Variants in DOCK3 observed in about 807,000 individuals in gnomAD.
DOCK3 encodes the protein dedicator of cytokinesis protein 3.
A neutral mutation model predicts 265.6 loss-of-function variants in DOCK3; 60 were observed. That is an observed-to-expected ratio of 0.23 (90% CI 0.18 to 0.28). DOCK3 has a LOEUF of 0.28. DOCK3 is among the 10% of genes least tolerant of loss of function. The pLI is 1.00. For missense variants in DOCK3, 1,981 were observed against 2,594.3 expected, an observed-to-expected ratio of 0.76 and a Z score of 5.14; for synonymous variants, 881 against 938.0, an observed-to-expected ratio of 0.94 and a Z score of 1.11.
At chr3:51,221,414 C>T (rs546346335) in intron 14 of DOCK3, among the ~76,000 whole-genome samples, 125 of 152,198 alleles carry the variant, frequency 8.2e-4, no homozygotes, top group African/African-American at 2.9e-3. Context: ...GTACTTCTTG[C>T]CAGTGAAGAA....
rs545306164 is a variant in DOCK3, at chr3:50,817,478, T to G, written c.122-24197T>G. Among the ~76,000 whole-genome samples the G allele has an allele frequency of 7.9e-5, 12 of 151,960 alleles. No individual in the cohort carries two copies. The South Asian group carries it at 1.9e-3, about 24-fold the overall frequency. ...ACTAATTAAATTTTTTTTTTTTTTATAGAGACAGAGGTCCCCCTGTGTTGC... is the reference window on the plus strand; with the variant it reads ...ACTAATTAAATTTTTTTTTTTTTTAGAGAGACAGAGGTCCCCCTGTGTTGC... On this transcript the variant is annotated intron_variant, in intron 2 of 52. Transcript: ENST00000266037.
intron 1 of DOCK3, among the ~76,000 whole-genome samples, chr3:50,713,654 A>ATAT: frequency 6.6e-6 from 1 of 151,342 alleles, no homozygotes; most frequent in East Asian, 1.9e-4. Context: ...ATATATATAT[A>ATAT]TTTTTTGTTT....
chr3:50,705,221 CT>C (rs2036327349), intron 1 of DOCK3, among the ~76,000 whole-genome samples: 1 of 151,794 alleles, frequency 6.6e-6, no homozygotes, highest in South Asian at 2.1e-4. Context: ...TCACCTTTTG[CT>C]TTGAGATGTT....
intron 32 of DOCK3, among the ~76,000 whole-genome samples, chr3:51,316,321 A>G (rs1294152984): frequency 6.6e-6 from 1 of 152,252 alleles, no homozygotes; most frequent in Non-Finnish European, 1.5e-5. Context: ...TGCATGTATC[A>G]GTAGCTTTTC....
intron 7 of DOCK3, among the ~76,000 whole-genome samples, chr3:51,084,909 A>G (rs1310622721): frequency 6.6e-6 from 1 of 152,212 alleles, no homozygotes; most frequent in Non-Finnish European, 1.5e-5. Flanking sequence ...AAAAATCAAG[A>G]CCCAACTATA....
At chr3:50,889,484 T>G (rs1224329779) in intron 3 of DOCK3, among the ~76,000 whole-genome samples, 1 of 151,664 alleles carries the variant, frequency 6.6e-6, no homozygotes, top group Non-Finnish European at 1.5e-5. Flanking sequence ...TTAAATACGC[T>G]ACTTATTCTT....
intron 1 of DOCK3, among the ~76,000 whole-genome samples, chr3:50,774,890 T>A (rs1469699053): frequency 6.6e-6 from 1 of 152,010 alleles, no homozygotes; most frequent in East Asian, 1.9e-4. Context: ...ATTTTTGTCA[T>A]GAGTGGACTT....
intron 13 of DOCK3, among the ~76,000 whole-genome samples, chr3:51,209,215 A>G (rs2089380398): frequency 6.6e-6 from 1 of 152,236 alleles, no homozygotes; most frequent in African/African-American, 2.4e-5. Context: ...CTATCTCTAT[A>G]TAGCTAGATA....
intron 3 of DOCK3, among the ~76,000 whole-genome samples, chr3:50,854,947 T>C (rs2046518612): frequency 6.6e-6 from 1 of 152,118 alleles, no homozygotes; most frequent in African/African-American, 2.4e-5. Context: ...ATTGTAGGTA[T>C]GTGGCTTTAT....
chr3:50,679,940 T>C (rs1034407470), intron 1 of DOCK3, among the ~76,000 whole-genome samples: 2 of 152,204 alleles, frequency 1.3e-5, no homozygotes, highest in Admixed American at 1.3e-4. Flanking sequence ...CTCCCCTCTT[T>C]TTTAAACAGA....
chr3:51,025,926 T>A (rs2079795494), intron 5 of DOCK3, among the ~76,000 whole-genome samples: 1 of 152,182 alleles, frequency 6.6e-6, no homozygotes, highest in Non-Finnish European at 1.5e-5. Context: ...GACTCTCCCC[T>A]TCTCACACTC....
At chr3:51,136,563 T>C (rs1296961702) in intron 9 of DOCK3, among the ~76,000 whole-genome samples, 3 of 152,128 alleles carry the variant, frequency 2.0e-5, no homozygotes, top group Admixed American at 6.6e-5. Flanking sequence ...TATGCAATTA[T>C]AGCATTTTCA....
At chr3:50,792,855 C>A (rs2042550996) in intron 2 of DOCK3, among the ~76,000 whole-genome samples, 1 of 152,182 alleles carries the variant, frequency 6.6e-6, no homozygotes, top group Non-Finnish European at 1.5e-5. Context: ...GATTTTTGCA[C>A]TGATGTTCAT....
chr3:51,286,785 C>T (rs1014438282), intron 27 of DOCK3, among the ~76,000 whole-genome samples: 1 of 152,072 alleles, frequency 6.6e-6, no homozygotes, highest in African/African-American at 2.4e-5. Flanking sequence ...GAAACTGGAC[C>T]CCTTCCTCAT....
intron 23 of DOCK3, among the ~76,000 whole-genome samples, chr3:51,269,676 A>G (rs1046951777): frequency 2.0e-5 from 3 of 152,182 alleles, no homozygotes; most frequent in Admixed American, 6.6e-5. Flanking sequence ...TTGTCTCAAG[A>G]TGGCACTCCA....
chr3:50,912,399 A>G (rs940962907), intron 4 of DOCK3, among the ~76,000 whole-genome samples: 1 of 152,070 alleles, frequency 6.6e-6, no homozygotes, highest in Non-Finnish European at 1.5e-5. Flanking sequence ...CTGAAGCTTC[A>G]TGGCACTGAA....
intron 3 of DOCK3, among the ~76,000 whole-genome samples, chr3:50,882,497 C>T (rs888365959): frequency 6.6e-6 from 1 of 152,132 alleles, no homozygotes; most frequent in African/African-American, 2.4e-5. Context: ...ATTTATGCAG[C>T]CAACAGACAC....
At chr3:50,937,877 A>G (rs1346038789) in intron 5 of DOCK3, among the ~76,000 whole-genome samples, 9 of 152,098 alleles carry the variant, frequency 5.9e-5, no homozygotes, top group African/African-American at 1.4e-4. Context: ...AAAAGTAAAT[A>G]CCAAAATGGC....
chr3:51,262,776 G>C (rs1481353550), intron 23 of DOCK3, among the ~76,000 whole-genome samples: 1 of 152,124 alleles, frequency 6.6e-6, no homozygotes, highest in African/African-American at 2.4e-5. Context: ...GAAGCATACA[G>C]AAGTATCAAT....
Sources: allele counts gnomAD v4.1 joint callset (sites outside exome capture counted in the v4.1 genomes callset), GRCh38; gene constraint gnomAD v4.1.1; transcripts MANE v1.5; gene names NCBI Gene and HGNC (gene_info 2026-07-23, HGNC 2026-07-21).